Variants in ASIC2 observed in about 807,000 individuals in gnomAD.
ASIC2 encodes the protein acid-sensing ion channel 2.
A neutral mutation model predicts 57.3 loss-of-function variants in ASIC2; 25 were observed. The observed-to-expected ratio is 0.44, with a 90% CI of 0.32 to 0.61. ASIC2 has a LOEUF of 0.61. ASIC2 is among the 20% of genes least tolerant of loss of function. The pLI is 0.06. For synonymous variants in ASIC2, 319 were observed against 307.5 expected, an observed-to-expected ratio of 1.04 and a Z score of -0.39; for missense variants, 641 against 738.1, an observed-to-expected ratio of 0.87 and a Z score of 1.52.
At chr17:33,233,514 TCACACACACACACACA>T (rs36203893) in intron 1 of ASIC2, among the ~76,000 whole-genome samples, 321 of 146,802 alleles carry the variant, frequency 2.2e-3, no homozygotes, top group African/African-American at 4.9e-3. Context: ...AATTGGAAAT[TCACACACACACACACA>T]CACACACACA....
At chr17:33,160,494 T>C (rs1905133102) in intron 1 of ASIC2, among the ~76,000 whole-genome samples, 1 of 152,224 alleles carries the variant, frequency 6.6e-6, no homozygotes, top group African/African-American at 2.4e-5. Context: ...TTCCTCTTCA[T>C]TGGTGCTCCA....
At chr17:33,377,589 C>T (rs1567841172) in intron 1 of ASIC2, among the ~76,000 whole-genome samples, 1 of 152,224 alleles carries the variant, frequency 6.6e-6, no homozygotes, top group Non-Finnish European at 1.5e-5. Flanking sequence ...TGTGATTTCC[C>T]CAATATAATT....
chr17:33,903,604 TG>T (rs1915277015), intron 1 of ASIC2, among the ~76,000 whole-genome samples: 1 of 152,238 alleles, frequency 6.6e-6, no homozygotes, highest in Non-Finnish European at 1.5e-5. Flanking sequence ...GAGGGTTTTT[TG>T]TTTGCTTCCT....
At chr17:33,910,621 T>C (rs925922786) in intron 1 of ASIC2, among the ~76,000 whole-genome samples, 1 of 152,198 alleles carries the variant, frequency 6.6e-6, no homozygotes, top group Admixed American at 6.5e-5. Context: ...ATAAACTTCA[T>C]GAGGGCAGGG....
intron 1 of ASIC2, among the ~76,000 whole-genome samples, chr17:33,489,306 G>T (rs1342210419): frequency 6.6e-6 from 1 of 152,178 alleles, no homozygotes; most frequent in African/African-American, 2.4e-5. Flanking sequence ...ACCCAAAGGG[G>T]TGGGTATTAT....
At chr17:33,981,704 G>C (rs1351859282) in intron 1 of ASIC2, among the ~76,000 whole-genome samples, 1 of 147,368 alleles carries the variant, frequency 6.8e-6, no homozygotes, top group Admixed American at 6.8e-5. Context: ...GGGAGGGGGG[G>C]AAGATTAGCT....
At chr17:34,040,397 CA>C (rs1391881305) in intron 1 of ASIC2, among the ~76,000 whole-genome samples, 4 of 45,868 alleles carry the variant, frequency 8.7e-5, no homozygotes, top group African/African-American at 2.0e-4. Flanking sequence ...GGCTGGGAGG[CA>C]GGGGGGGTCC....
At chr17:33,939,355 A>G (rs1353878999) in intron 1 of ASIC2, among the ~76,000 whole-genome samples, 1 of 152,192 alleles carries the variant, frequency 6.6e-6, no homozygotes, top group African/African-American at 2.4e-5. Context: ...TTGAATCAGA[A>G]CTAGAAACAA....
At chr17:33,636,352 C>T (rs143434344) in intron 1 of ASIC2, among the ~76,000 whole-genome samples, 3 of 152,276 alleles carry the variant, frequency 2.0e-5, no homozygotes, top group African/African-American at 7.2e-5. Flanking sequence ...TTCTCCTGTC[C>T]TAATCAGCAT....
chr17:33,984,516 C>T (rs1010891973), intron 1 of ASIC2: 3 of 152,212 alleles, frequency 2.0e-5, no homozygotes, highest in African/African-American at 7.2e-5. Flanking sequence ...GGATTAAAGG[C>T]CCATGGCACG....
chr17:34,155,945 C>A, intron 1 of ASIC2: 1 of 1,571,716 alleles, frequency 6.4e-7, no homozygotes, highest in South Asian at 1.2e-5. Context: ...CTCCAGAGGA[C>A]CAGACAGAGT....
intron 1 of ASIC2, among the ~76,000 whole-genome samples, chr17:33,384,496 C>A (rs1909604393): frequency 6.6e-6 from 1 of 152,100 alleles, no homozygotes; most frequent in Non-Finnish European, 1.5e-5. Context: ...TTCCAGGTGC[C>A]ATCCACATTT....
At chr17:33,612,070 A>G (rs986279669) in intron 1 of ASIC2, among the ~76,000 whole-genome samples, 23 of 152,228 alleles carry the variant, frequency 1.5e-4, no homozygotes, top group Non-Finnish European at 2.2e-4. Context: ...CTTAAAGGCA[A>G]TGAAACAGAG....
intron 3 of ASIC2, among the ~76,000 whole-genome samples, chr17:33,071,182 A>C (rs537681823): frequency 2.6e-5 from 4 of 152,226 alleles, no homozygotes; most frequent in African/African-American, 7.2e-5. Context: ...CATTTTATAA[A>C]ATTTTTGTTT....
chr17:33,142,080 A>G (rs1904338901), intron 1 of ASIC2, among the ~76,000 whole-genome samples: 2 of 152,254 alleles, frequency 1.3e-5, no homozygotes, highest in South Asian at 2.1e-4. Context: ...AAGAGCAAAG[A>G]CCAGGAGTTT....
chr17:33,585,054 G>T lies in ASIC2; in HGVS notation c.556-472987C>A, dbSNP rs533826150. Among the ~76,000 whole-genome samples the T allele has an allele frequency of 7.2e-5, 11 of 152,252 alleles. No homozygotes were observed. The East Asian group carries it at 2.1e-3, about 29-fold the overall frequency. On this transcript the variant is annotated intron_variant, in intron 1 of 9. Transcript: ENST00000359872. ...ATCCACAGAATCTCTGTCCTTGTGG[G>T]CTACAGCCTCCTTCCCTCCAGCCTA...
At chr17:33,798,516 T>A (rs1192940325) in intron 1 of ASIC2, among the ~76,000 whole-genome samples, 1 of 152,204 alleles carries the variant, frequency 6.6e-6, no homozygotes, top group Non-Finnish European at 1.5e-5. Context: ...GTTCATCCAA[T>A]TAGCACAAAT....
intron 1 of ASIC2, among the ~76,000 whole-genome samples, chr17:33,662,710 ACT>A (rs1208012782): frequency 6.8e-6 from 1 of 146,186 alleles, no homozygotes; most frequent in African/African-American, 2.5e-5. Context: ...CACTTTTAGT[ACT>A]GTTTCCTCCC....
rs1442931296 is a variant in ASIC2, at chr17:33,292,487, C to T, written c.-372G>A. 10 of 985,602 alleles carry T rather than the reference C, an allele frequency of 1.0e-5. No homozygotes were observed. The highest frequency in any genetic ancestry group is 1.7e-5 in the African/African-American group (1 of 57,234). 61.1% of individuals were successfully genotyped at this position (985,602 alleles called of 1,614,324 possible). A position where few individuals can be genotyped will look rare whatever the true frequency, so the allele number is the denominator to read the frequency against. On this transcript the variant is annotated 5_prime_UTR_variant, in exon 1 of 10. Coordinates refer to ENST00000225823, the MANE Select transcript of ASIC2 (RefSeq NM_183377.2). Reference sequence around the variant, plus strand: ...CCTGGGTGCTGCGCCCGCCTTCCCTCGTCCTGGACCTCGGGGGACCCTGAG... The same window carrying T: ...CCTGGGTGCTGCGCCCGCCTTCCCTTGTCCTGGACCTCGGGGGACCCTGAG...
Sources: gnomAD v4.1 joint callset for allele counts (sites outside exome capture counted in the v4.1 genomes callset) on GRCh38, gnomAD v4.1.1 for gene constraint, MANE v1.5 for transcripts, NCBI Gene and HGNC (gene_info 2026-07-23, HGNC 2026-07-21) for gene names.